COL22A1: variants seen among roughly 807,000 people sequenced by gnomAD.
The protein encoded by COL22A1 is collagen alpha-1(XXII) chain.
A neutral mutation model predicts 248.9 loss-of-function variants in COL22A1; 221 were observed. That is an observed-to-expected ratio of 0.89 (90% CI 0.80 to 0.99). COL22A1 has a LOEUF of 0.99. Ranked by LOEUF, COL22A1 falls within the 50% of genes least tolerant of loss-of-function variation. The pLI is 0.00. For synonymous variants in COL22A1, 891 were observed against 793.4 expected, an observed-to-expected ratio of 1.12 and a Z score of -2.07; for missense variants, 2,240 against 2,179.0, an observed-to-expected ratio of 1.03 and a Z score of -0.56.
At chr8:138,605,706 G>A (rs865874089) in intron 58 of COL22A1, among the ~76,000 whole-genome samples, 32 of 152,256 alleles carry the variant, frequency 2.1e-4, no homozygotes, top group African/African-American at 7.5e-4. Context: ...GGAGTGGACT[G>A]CAATATGCAG....
chr8:138,643,705 T>A (rs74852635), intron 47 of COL22A1, among the ~76,000 whole-genome samples: 6,029 of 149,008 alleles, frequency 0.04, 297 homozygotes, highest in African/African-American at 0.12. Context: ...ATATATATTT[T>A]AAAAAATTTT....
intron 43 of COL22A1, among the ~76,000 whole-genome samples, chr8:138,661,207 A>G (rs1021889066): frequency 6.6e-6 from 1 of 152,196 alleles, no homozygotes; most frequent in Non-Finnish European, 1.5e-5. Context: ...GACTGGCTAT[A>G]AGAATGCTGA....
At chr8:138,732,109 T>C (rs913783198) in intron 23 of COL22A1, among the ~76,000 whole-genome samples, 2 of 152,240 alleles carry the variant, frequency 1.3e-5, no homozygotes, top group African/African-American at 4.8e-5. Context: ...ATTTGGGTTT[T>C]CTAGGACTAG....
chr8:138,811,586 T>TC (rs911431022), intron 9 of COL22A1, among the ~76,000 whole-genome samples: 8 of 152,064 alleles, frequency 5.3e-5, no homozygotes, highest in Admixed American at 3.3e-4. Flanking sequence ...CACATTCTGC[T>TC]CCTAGAAAGC....
At chr8:138,709,433 A>G (rs186947857) in intron 30 of COL22A1, among the ~76,000 whole-genome samples, 1,740 of 152,222 alleles carry the variant, frequency 0.011, 45 homozygotes, top group African/African-American at 0.04. Flanking sequence ...TGTGGCACAT[A>G]TACACCATGG....
At chr8:138,765,532 C>T (rs1379160784) in intron 16 of COL22A1, among the ~76,000 whole-genome samples, 2 of 152,222 alleles carry the variant, frequency 1.3e-5, no homozygotes, top group African/African-American at 2.4e-5. Context: ...CTGAGGCGGA[C>T]ATCCGGGCCT....
At chr8:138,686,787 A>G (rs544219978) in intron 37 of COL22A1, among the ~76,000 whole-genome samples, 1 of 152,282 alleles carries the variant, frequency 6.6e-6, no homozygotes, top group East Asian at 1.9e-4. Context: ...CCAGGTTACC[A>G]ATGTCCTACT....
intron 22 of COL22A1, among the ~76,000 whole-genome samples, chr8:138,745,190 C>CT (rs113552748): frequency 0.22 from 32,484 of 146,578 alleles, 3,987 homozygotes; most frequent in African/African-American, 0.33. Flanking sequence ...ACCAACTTTT[C>CT]TTTTTTTTTT....
chr8:138,743,375 T>C (rs1457491881), intron 22 of COL22A1, among the ~76,000 whole-genome samples: 2 of 133,186 alleles, frequency 1.5e-5, no homozygotes, highest in African/African-American at 6.3e-5. Context: ...GATGGTAGAG[T>C]TGATGATGGT....
intron 3 of COL22A1, among the ~76,000 whole-genome samples, chr8:138,848,422 C>T (rs1821400749): frequency 6.6e-6 from 1 of 152,140 alleles, no homozygotes; most frequent in African/African-American, 2.4e-5. Context: ...TTACTGTGGT[C>T]TTCCTGGAAA....
chr8:138,863,650 G>T (rs544675290), intron 3 of COL22A1, among the ~76,000 whole-genome samples: 2 of 152,140 alleles, frequency 1.3e-5, no homozygotes, highest in Admixed American at 6.5e-5. Flanking sequence ...AAGTGGGTGC[G>T]GGGAGCCTGC....
chr8:138,692,129 CGT>C (rs796482901), intron 35 of COL22A1, among the ~76,000 whole-genome samples: 1 of 2,756 alleles, frequency 3.6e-4, no homozygotes, highest in African/African-American at 1.3e-3. Context: ...TATGTGTGTA[CGT>C]GTGTGCATGT....
intron 16 of COL22A1, among the ~76,000 whole-genome samples, chr8:138,772,285 G>A (rs1043840949): frequency 2.0e-5 from 3 of 152,244 alleles, no homozygotes; most frequent in Admixed American, 2.0e-4. Context: ...AAGACCCAGA[G>A]GTGAATAAGG....
chr8:138,898,038 C>T (rs1362343773), intron 1 of COL22A1, among the ~76,000 whole-genome samples: 6 of 152,114 alleles, frequency 3.9e-5, no homozygotes, highest in Admixed American at 3.9e-4. Flanking sequence ...ATCTCTCAGG[C>T]CTCTTTCATA....
intron 60 of COL22A1, among the ~76,000 whole-genome samples, chr8:138,599,510 CA>C (rs1001866067): frequency 6.6e-6 from 1 of 151,806 alleles, no homozygotes; most frequent in Non-Finnish European, 1.5e-5. Context: ...CAAAACAAAA[CA>C]AAAACATGGG....
At chr8:138,880,515 A>G (rs1824117486) in intron 2 of COL22A1, among the ~76,000 whole-genome samples, 1 of 152,198 alleles carries the variant, frequency 6.6e-6, no homozygotes, top group South Asian at 2.1e-4. Flanking sequence ...AGTTATACGA[A>G]TTTACACACA....
chr8:138,821,647 C>G (rs1487080184), intron 6 of COL22A1, among the ~76,000 whole-genome samples: 1 of 152,144 alleles, frequency 6.6e-6, no homozygotes, highest in Non-Finnish European at 1.5e-5. Context: ...CTGTTCTAAA[C>G]CCAGTATTAA....
chr8:138,860,485 T>C (rs1822369912), intron 3 of COL22A1, among the ~76,000 whole-genome samples: 1 of 152,220 alleles, frequency 6.6e-6, no homozygotes, highest in Non-Finnish European at 1.5e-5. Flanking sequence ...TCTATATGTG[T>C]GACCTCAAAG....
intron 22 of COL22A1, among the ~76,000 whole-genome samples, chr8:138,742,018 AGAGTTGATGGTGATGGTG>A (rs1831615271): frequency 8.7e-6 from 1 of 115,494 alleles, no homozygotes; most frequent in Non-Finnish European, 1.8e-5. Flanking sequence ...TGGTGATGGT[AGAGTTGATGGTGATGGTG>A]GAGTTGATGG....
Sources: gnomAD v4.1 joint callset for allele counts (sites outside exome capture counted in the v4.1 genomes callset) on GRCh38, gnomAD v4.1.1 for gene constraint, MANE v1.5 for transcripts, NCBI Gene and HGNC (gene_info 2026-07-23, HGNC 2026-07-21) for gene names.